AKAP6: variants seen among roughly 807,000 people sequenced by gnomAD.
The protein encoded by AKAP6 is A-kinase anchor protein 6.
In AKAP6, 58 loss-of-function variants were observed where a neutral mutation model predicts 188.5. That is an observed-to-expected ratio of 0.31 (90% CI 0.25 to 0.38). The LOEUF is 0.38. Ranked by LOEUF, AKAP6 falls within the 10% of genes least tolerant of loss-of-function variation. The pLI, the probability that AKAP6 is intolerant of heterozygous loss-of-function variation, is 1.00. For missense variants in AKAP6, 2,710 were observed against 2,740.0 expected, an observed-to-expected ratio of 0.99 and a Z score of 0.24; for synonymous variants, 989 against 998.6, an observed-to-expected ratio of 0.99 and a Z score of 0.18.
rs1411381337 is a variant in AKAP6, at chr14:32,834,836, A to G, written c.*5031A>G. ...TACTCTTTCAGCCCATGCTTCATCCATCTAAGGCAAGGGTCAGCAAACTGT... is the reference window on the plus strand; with the variant it reads ...TACTCTTTCAGCCCATGCTTCATCCGTCTAAGGCAAGGGTCAGCAAACTGT... On this transcript the variant is annotated 3_prime_UTR_variant, in exon 14 of 14. Transcript: ENST00000280979. 1 of 152,184 alleles carries G rather than the reference A, an allele frequency of 6.6e-6. No homozygotes were observed. The highest frequency in any genetic ancestry group is 1.5e-5 in the Non-Finnish European group (1 of 68,036). 9.4% of individuals were successfully genotyped at this position (152,184 alleles called of 1,614,324 possible).
intron 2 of AKAP6, among the ~76,000 whole-genome samples, chr14:32,528,900 A>G (rs989810549): frequency 6.6e-6 from 1 of 151,336 alleles, no homozygotes; most frequent in Admixed American, 6.6e-5. Flanking sequence ...CTTGTCTTAA[A>G]CTCCTGACTT....
chr14:32,789,347 C>T (rs2103781), intron 12 of AKAP6, among the ~76,000 whole-genome samples: 32,283 of 152,216 alleles, frequency 0.21, 3,747 homozygotes, highest in East Asian at 0.36. Flanking sequence ...TCTCTCCCAA[C>T]GCAACACACC....
chr14:32,601,421 T>A (rs11156754), intron 7 of AKAP6, among the ~76,000 whole-genome samples: 98,037 of 152,084 alleles, frequency 0.64, 32,220 homozygotes, highest in East Asian at 0.95. Flanking sequence ...TTCATTTTAG[T>A]TGTCCAAAAT....
At chr14:32,535,936 G>T in intron 3 of AKAP6, 131 bp downstream of exon 3, 5 of 1,314,488 alleles carry the variant, frequency 3.8e-6, no homozygotes, top group Middle Eastern at 2.1e-4. Flanking sequence ...TTGAATCTAG[G>T]CATAGTGACT....
At chr14:32,786,297 T>TGTTTTTTTTTTTG (rs1566710091) in intron 12 of AKAP6, among the ~76,000 whole-genome samples, 1 of 83,380 alleles carries the variant, frequency 1.2e-5, no homozygotes, top group Non-Finnish European at 2.3e-5. Context: ...TAAACCTTTA[T>TGTTTTTTTTTTTG]CTTTTTTTTT....
intron 1 of AKAP6, among the ~76,000 whole-genome samples, chr14:32,363,538 G>C (rs1371689268): frequency 6.6e-6 from 1 of 152,200 alleles, no homozygotes; most frequent in East Asian, 1.9e-4. Context: ...AATCACTGGT[G>C]TAAGTCCAAG....
intron 7 of AKAP6, among the ~76,000 whole-genome samples, chr14:32,603,220 G>T (rs1886003498): frequency 6.6e-6 from 1 of 151,980 alleles, no homozygotes; most frequent in South Asian, 2.1e-4. Context: ...TTATTGCGTT[G>T]CACTCTAAAA....
chr14:32,642,368 A>G (rs183243486), intron 7 of AKAP6, among the ~76,000 whole-genome samples: 2 of 152,340 alleles, frequency 1.3e-5, no homozygotes, highest in Admixed American at 6.5e-5. Context: ...AAACAATTTT[A>G]TCGCTAATAG....
At chr14:32,483,550 T>C (rs1425641432) in intron 2 of AKAP6, among the ~76,000 whole-genome samples, 1 of 152,198 alleles carries the variant, frequency 6.6e-6, no homozygotes, top group Non-Finnish European at 1.5e-5. Context: ...AATGGCATGA[T>C]CTCGGCTCAC....
intron 1 of AKAP6, among the ~76,000 whole-genome samples, chr14:32,359,099 C>G (rs191341771): frequency 6.6e-6 from 1 of 152,188 alleles, no homozygotes; most frequent in Admixed American, 6.5e-5. Context: ...AGGGCCCTTG[C>G]CTCTGTAGAG....
intron 7 of AKAP6, among the ~76,000 whole-genome samples, chr14:32,625,626 GA>G (rs1886988650): frequency 1.4e-5 from 2 of 146,384 alleles, no homozygotes; most frequent in African/African-American, 2.6e-5. Context: ...CTGCAGCCTG[GA>G]AGAACAATAT....
At chr14:32,462,349 A>G (rs1158252892) in intron 2 of AKAP6, among the ~76,000 whole-genome samples, 1 of 152,208 alleles carries the variant, frequency 6.6e-6, no homozygotes, top group Non-Finnish European at 1.5e-5. Flanking sequence ...GGTTACCTAC[A>G]AAGGGAAGCT....
chr14:32,410,955 C>T (rs1205656440), intron 1 of AKAP6, among the ~76,000 whole-genome samples: 1 of 152,124 alleles, frequency 6.6e-6, no homozygotes, highest in East Asian at 1.9e-4. Context: ...CTCAACCATG[C>T]ATAACTTGAA....
At chr14:32,460,651 G>T (rs1031763578) in intron 2 of AKAP6, among the ~76,000 whole-genome samples, 1 of 152,214 alleles carries the variant, frequency 6.6e-6, no homozygotes, top group Non-Finnish European at 1.5e-5. Flanking sequence ...AGCTGTTTGG[G>T]CAGACACCAA....
intron 13 of AKAP6, among the ~76,000 whole-genome samples, chr14:32,826,990 A>C (rs1296419386): frequency 6.6e-6 from 1 of 152,196 alleles, no homozygotes; most frequent in African/African-American, 2.4e-5. Context: ...GGTCCTATTC[A>C]GGATTTTTTT....
chr14:32,651,458 G>A (rs1202707671), intron 7 of AKAP6, among the ~76,000 whole-genome samples: 3 of 152,182 alleles, frequency 2.0e-5, no homozygotes, highest in Non-Finnish European at 4.4e-5. Flanking sequence ...CTGAGACTGA[G>A]TAATTTATAA....
At chr14:32,672,642 A>G (rs1340635819) in intron 7 of AKAP6, among the ~76,000 whole-genome samples, 1 of 152,106 alleles carries the variant, frequency 6.6e-6, no homozygotes, top group Non-Finnish European at 1.5e-5. Context: ...ATATAGTCAC[A>G]TTGGGGGTTA....
chr14:32,817,348 T>C lies in AKAP6; in HGVS notation c.3589-4054T>C, dbSNP rs572870484. Among the ~76,000 whole-genome samples the C allele has an allele frequency of 3.9e-5, 6 of 152,312 alleles. No homozygotes were observed. The East Asian group carries it at 1.2e-3, about 29-fold the overall frequency. On this transcript the variant is annotated intron_variant, in intron 12 of 13. Coordinates refer to ENST00000280979, the MANE Select transcript of AKAP6 (RefSeq NM_004274.5). ...TCTCCACCACTTTTATTGCTTTCTC[T>C]GTATATGTTGTGCTAATATAAATAA...
chr14:32,561,026 T>A (rs1343872720), intron 4 of AKAP6, among the ~76,000 whole-genome samples: 1 of 152,188 alleles, frequency 6.6e-6, no homozygotes, highest in African/African-American at 2.4e-5. Flanking sequence ...CAGAAGTTAG[T>A]AATTTACTCA....
Sources: allele counts gnomAD v4.1 joint callset (sites outside exome capture counted in the v4.1 genomes callset), GRCh38; gene constraint gnomAD v4.1.1; transcripts MANE v1.5; gene names NCBI Gene and HGNC (gene_info 2026-07-23, HGNC 2026-07-21).